The following SMG6 variants were observed in gnomAD, a reference collection of about 807,000 sequenced individuals.
SMG6 encodes SMG6 nonsense mediated mRNA decay factor, also known as telomerase-binding protein EST1A.
SMG6 carries 66 observed loss-of-function variants against 142.2 expected under a neutral mutation model. That is an observed-to-expected ratio of 0.46 (90% CI 0.38 to 0.57). SMG6 has a LOEUF of 0.57. Ranked by LOEUF, SMG6 falls within the 20% of genes least tolerant of loss-of-function variation. The probability of loss-of-function intolerance (pLI) is 0.00; values close to 1 mark genes in which losing one functional copy is unlikely to be tolerated. For synonymous variants in SMG6, 779 were observed against 702.4 expected, an observed-to-expected ratio of 1.11 and a Z score of -1.72; for missense variants, 1,793 against 1,832.0, an observed-to-expected ratio of 0.98 and a Z score of 0.39.
chr17:2,236,701 T>TCACA (rs71150853), intron 9 of SMG6, 64 bp from the exon 10 acceptor site: 747 of 958,836 alleles, frequency 7.8e-4, no homozygotes, highest in African/African-American at 3.7e-3. Context: ...TCACTCTGTC[T>TCACA]CACACACACA....
chr17:2,063,040 G>A (rs1268516042), intron 18 of SMG6: 2 of 152,514 alleles, frequency 1.3e-5, no homozygotes, highest in African/African-American at 4.8e-5. Context: ...AGTGTGGCTG[G>A]GGTGGTGGTA....
In SMG6 at chr17:2,136,220, C is replaced by T. The variant is rs756257672; in HGVS notation, c.3357+36438G>A. 2.0e-5 allele frequency among the ~76,000 whole-genome samples: 3 copies of T among 151,880 alleles called. No individual in the cohort carries two copies. The South Asian group carries it at 6.2e-4, about 32-fold the overall frequency. On this transcript the variant is annotated intron_variant, in intron 13 of 18. Coordinates refer to ENST00000263073, the MANE Select transcript of SMG6 (RefSeq NM_017575.5). ...GGGATTACAGGCATGCACACCATGC[C>T]TGGCTAATTTTTGTATTTTTAGCAT...
At chr17:2,199,562 T>C (rs991382300) in intron 10 of SMG6, among the ~76,000 whole-genome samples, 3 of 151,030 alleles carry the variant, frequency 2.0e-5, no homozygotes, top group Non-Finnish European at 4.4e-5. Flanking sequence ...TAAAAATAAA[T>C]AAATAAATAA....
chr17:2,277,292 G>A lies in SMG6; in HGVS notation c.2661+5355C>T, dbSNP rs545228742. 5.8e-4 allele frequency among the ~76,000 whole-genome samples: 87 copies of A among 151,026 alleles called. 1 individual carries two copies. The highest frequency in any genetic ancestry group is 3.5e-4 in the Non-Finnish European group (24 of 67,786). On this transcript the variant is annotated intron_variant, in intron 8 of 18. Transcript: ENST00000263073. ...CGCCATTCTCCTGCCTCAGCCTCCCGAGTAGCTGGGACTACAGGTGCCTGC... is the reference window on the plus strand; with the variant it reads ...CGCCATTCTCCTGCCTCAGCCTCCCAAGTAGCTGGGACTACAGGTGCCTGC...
chr17:2,161,584 G>C (rs1567648295), intron 13 of SMG6, among the ~76,000 whole-genome samples: 1 of 151,838 alleles, frequency 6.6e-6, no homozygotes, highest in Non-Finnish European at 1.5e-5. Context: ...ACATTGTCCT[G>C]ATCTTCTGGT....
At position 2,294,023 on chromosome 17, in the gene SMG6, A is replaced by T. The variant is rs146674175; in HGVS notation, c.2152-1046T>A. Among the ~76,000 whole-genome samples the T allele has an allele frequency of 2.6e-5, 4 of 152,298 alleles. No homozygotes were observed. The East Asian group carries it at 7.7e-4, about 29-fold the overall frequency. ...TCCCTAGGGAACACCACCTCACAGC[A>T]CACAATATAATTCCACTCCACTCCA... On this transcript the variant is annotated intron_variant, in intron 4 of 18. Transcript: ENST00000263073.
chr17:2,163,976 C>T (rs1451336691), intron 13 of SMG6, among the ~76,000 whole-genome samples: 1 of 151,210 alleles, frequency 6.6e-6, no homozygotes, highest in East Asian at 1.9e-4. Flanking sequence ...GCAGGAGAAT[C>T]GCTTGAACCA....
intron 10 of SMG6, among the ~76,000 whole-genome samples, chr17:2,197,041 G>GA (rs1025521308): frequency 6.6e-6 from 1 of 152,024 alleles, no homozygotes; most frequent in East Asian, 1.9e-4. Context: ...AAAACTCTTA[G>GA]AAAAAAATGG....
At chr17:2,184,691 G>T (rs111815982) in intron 12 of SMG6, among the ~76,000 whole-genome samples, 1 of 147,500 alleles carries the variant, frequency 6.8e-6, no homozygotes, top group Admixed American at 6.8e-5. Context: ...GGCTGGGTAC[G>T]GTGGTTCATG....
At position 2,068,848 on chromosome 17, in the gene SMG6, G is replaced by A; in HGVS notation, c.3765C>T (p.Phe1255=). 1 of 1,614,256 alleles carries A rather than the reference G, an allele frequency of 6.2e-7. No individual in the cohort carries two copies. The highest frequency in any genetic ancestry group is 8.5e-7 in the Non-Finnish European group (1 of 1,180,044). The change falls in exon 16 of 19, where the codon TTC becomes TTT. Residue 1255 remains phenylalanine (F), a synonymous_variant. Coordinates refer to ENST00000263073, the MANE Select transcript of SMG6 (RefSeq NM_017575.5). The surrounding 1 kb of genome is among the most constrained non-coding windows in gnomAD (Gnocchi z 6.7). ...GCGCCAGACTGGCCAGGTGGTCAAT[G>A]AAGCCGTTGGTGTCTGGTACGAGGA... The part of the protein sequence containing the change: ...PLFLVPDTNG[F]IDHLASLARL...
rs566312120 is a variant in SMG6 at position 2,109,557 on chromosome 17, C to A, written c.3358-23656G>T. On this transcript the variant is annotated intron_variant, in intron 13 of 18. Transcript: ENST00000263073. ...GGGATTACAGGTGTGAGCCACCGTG[C>A]ATGGCCTTTCTCATTCTTTATTAAA... 2.0e-5 allele frequency among the ~76,000 whole-genome samples: 3 copies of A among 152,328 alleles called. No homozygotes were observed. The South Asian group carries it at 6.2e-4, about 32-fold the overall frequency.
intron 15 of SMG6, 128 bp downstream of exon 15, chr17:2,081,682 G>T: frequency 8.8e-7 from 1 of 1,136,780 alleles, no homozygotes; most frequent in Non-Finnish European, 1.3e-6. Context: ...AACGGGTAGA[G>T]CTAGAGAGAA....
At chr17:2,266,992 A>G (rs1392755511) in intron 8 of SMG6, among the ~76,000 whole-genome samples, 7 of 152,174 alleles carry the variant, frequency 4.6e-5, no homozygotes, top group Admixed American at 4.6e-4. Flanking sequence ...AAGAAAACCA[A>G]TCTGCTTCTT....
chr17:2,220,579 A>G (rs1189615786), intron 10 of SMG6, among the ~76,000 whole-genome samples: 2 of 152,196 alleles, frequency 1.3e-5, no homozygotes, highest in East Asian at 3.8e-4. Context: ...GCAGTGAGCT[A>G]TGATCATGCC....
At chr17:2,283,795 G>T in intron 6 of SMG6, 60 bp from the exon 7 acceptor site, 2 of 1,350,922 alleles carry the variant, frequency 1.5e-6, no homozygotes. Context: ...CCAGCAAGAG[G>T]CAGCTGACTC....
At chr17:2,098,327 C>T (rs775780643) in intron 13 of SMG6, among the ~76,000 whole-genome samples, 3 of 152,140 alleles carry the variant, frequency 2.0e-5, no homozygotes, top group Non-Finnish European at 4.4e-5. Flanking sequence ...ATTGTTTTCA[C>T]ATATGTTGCT....
chr17:2,198,333 T>C (rs776551527), intron 10 of SMG6, among the ~76,000 whole-genome samples: 2 of 152,120 alleles, frequency 1.3e-5, no homozygotes, highest in Non-Finnish European at 2.9e-5. Context: ...GGGGTTAGGA[T>C]TGGGGGCTGA....
chr17:2,114,980 A>AAAAAAATG (rs2069461459), intron 13 of SMG6, among the ~76,000 whole-genome samples: 1 of 133,376 alleles, frequency 7.5e-6, no homozygotes, highest in Admixed American at 7.9e-5. Flanking sequence ...GAAATAAAAT[A>AAAAAAATG]AAATAAAATA....
At chr17:2,105,229 C>T (rs778416845) in intron 13 of SMG6, among the ~76,000 whole-genome samples, 11 of 149,956 alleles carry the variant, frequency 7.3e-5, no homozygotes, top group Non-Finnish European at 1.2e-4. Flanking sequence ...ACTCAGCCTA[C>T]TTCAAGTCTT....
Sources: gnomAD v4.1 joint callset for allele counts (sites outside exome capture counted in the v4.1 genomes callset) on GRCh38, gnomAD v4.1.1 for gene constraint, Gnocchi (gnomAD v3.1) non-coding constraint, MANE v1.5 for transcripts, NCBI Gene and HGNC (gene_info 2026-07-23, HGNC 2026-07-21) for gene names.